SAV1: variants seen among roughly 807,000 people sequenced by gnomAD.
SAV1 encodes salvador family WW domain containing protein 1, also known as protein salvador homolog 1.
SAV1 carries 23 observed loss-of-function variants against 47.3 expected under a neutral mutation model. The ratio of observed to expected loss-of-function variants is 0.49; its 90% confidence interval spans 0.35 to 0.69. The LOEUF (loss-of-function observed/expected upper bound fraction) is 0.69. Among genes scored for constraint, SAV1 ranks in the 30% least tolerant of loss-of-function variants. The probability of loss-of-function intolerance (pLI) is 0.01; values close to 1 mark genes in which losing one functional copy is unlikely to be tolerated. For synonymous variants in SAV1, 155 were observed against 159.2 expected (o/e 0.97, Z 0.20); for missense variants, 448 against 457.4 (o/e 0.98, Z 0.19).
intron 2 of SAV1, among the ~76,000 whole-genome samples, chr14:50,652,246 A>AT (rs34076778): frequency 6.6e-6 from 1 of 152,234 alleles, no homozygotes; most frequent in South Asian, 2.1e-4. Context: ...ACAATTAAAC[A>AT]TTTTTTTAAA....
chr14:50,655,654 G>C (rs1481366595), intron 2 of SAV1, among the ~76,000 whole-genome samples: 2 of 151,878 alleles, frequency 1.3e-5, no homozygotes, highest in African/African-American at 4.8e-5. Context: ...TCCAACTCCT[G>C]ACCTTAGGTG....
intron 2 of SAV1, among the ~76,000 whole-genome samples, chr14:50,645,826 G>A (rs1447877024): frequency 2.0e-5 from 3 of 152,056 alleles, no homozygotes. Context: ...GTAAGCTTAA[G>A]GTAGCAGGGT....
intron 2 of SAV1, among the ~76,000 whole-genome samples, chr14:50,645,673 CAAAAGAAAAGTGGGA>C (rs997277780): frequency 6.9e-6 from 1 of 144,176 alleles, no homozygotes; most frequent in African/African-American, 2.5e-5. Flanking sequence ...TGTATACTGC[CAAAAGAAAAGTGGGA>C]AAAAGAAAAT....
chr14:50,634,056 TGAATCCC>T lies in SAV1; in HGVS notation c.*1120_*1126del. 1.0e-5 allele frequency: 3 copies of T among 287,770 alleles called. No individual in the cohort carries two copies. Among genetic ancestry groups the T allele is most frequent in the Non-Finnish European group, 1.5e-5 (2 of 136,010 alleles). The allele number at this position is 287,770 out of a possible 1,614,324, so 17.8% of individuals were successfully genotyped here. ...CGATTTAATGACCAAAAATTTTTTT[TGAATCCC>T]TGGTTGTCATTTTTGGTAGCTTAAC... On this transcript the variant is annotated 3_prime_UTR_variant, in exon 5 of 5. Coordinates refer to ENST00000324679, the MANE Select transcript of SAV1 (RefSeq NM_021818.4).
At chr14:50,644,524 G>A (rs2039704438) in intron 3 of SAV1, among the ~76,000 whole-genome samples, 1 of 151,648 alleles carries the variant, frequency 6.6e-6, no homozygotes. Flanking sequence ...TAAGAACAAT[G>A]ATCTTGTTTT....
chr14:50,651,251 A>C (rs2039767230), intron 2 of SAV1, among the ~76,000 whole-genome samples: 1 of 151,830 alleles, frequency 6.6e-6, no homozygotes, highest in Non-Finnish European at 1.5e-5. Context: ...ACAGAAACCT[A>C]ACACAATACA....
intron 2 of SAV1, among the ~76,000 whole-genome samples, chr14:50,645,757 A>G (rs2039716555): frequency 6.6e-6 from 1 of 152,174 alleles, no homozygotes; most frequent in Non-Finnish European, 1.5e-5. Flanking sequence ...ATGAACTTGT[A>G]AAACCATTCC....
At chr14:50,667,236 C>A (rs545317621) in intron 1 of SAV1, 1 of 240,538 alleles carries the variant, frequency 4.2e-6, no homozygotes, top group Non-Finnish European at 8.6e-6. Flanking sequence ...GGGGGGGGTT[C>A]TCTAATACGA....
Position 50,634,969 on chromosome 14 carries a change from T to G in SAV1, c.*214A>C. On this transcript the variant is annotated 3_prime_UTR_variant, in exon 5 of 5. Transcript: ENST00000324679. The stretch of plus-strand genomic sequence containing the variant: ...CAAAACAGTTTCCTAATATACAGTA[T>G]TTGAAAGTGTTTGCCATATTGGCTC... 1 of 540,968 alleles carries G rather than the reference T, an allele frequency of 1.8e-6. No individual in the cohort carries two copies. The highest frequency in any genetic ancestry group is 3.3e-6 in the Non-Finnish European group (1 of 305,776). The allele number at this position is 540,968 out of a possible 1,614,324, so 33.5% of individuals were successfully genotyped here. A position where few individuals can be genotyped will look rare whatever the true frequency, so the allele number is the denominator to read the frequency against.
intron 4 of SAV1, among the ~76,000 whole-genome samples, chr14:50,639,943 A>G (rs1294426281): frequency 1.3e-5 from 2 of 152,220 alleles, no homozygotes; most frequent in Non-Finnish European, 2.9e-5. Flanking sequence ...AAAGAGGAAA[A>G]TAGGAAAGAA....
chr14:50,664,968 C>A, intron 2 of SAV1: 2 of 534,590 alleles, frequency 3.7e-6, no homozygotes, highest in Non-Finnish European at 6.0e-6. Flanking sequence ...GTTTACATAA[C>A]ATGAGTTAAT....
rs2039674406 is a variant in SAV1 at position 50,640,742 on chromosome 14, GTACT to G, written c.950+4_950+7del. ...CCTCAAACAAATTTGTGTTGTAAAT[GTACT>G]TACTTCACAGGGGCTCGTGCGTAAA... On this transcript the variant is annotated splice_donor_5th_base_variant and intron_variant, in intron 4 of 4. Transcript: ENST00000324679. 1.2e-6 allele frequency: 2 copies of G among 1,609,918 alleles called. No individual in the cohort carries two copies. Among genetic ancestry groups the G allele is most frequent in the Non-Finnish European group, 1.7e-6 (2 of 1,177,602 alleles).
At chr14:50,643,751 G>GA (rs2039699342) in intron 3 of SAV1, among the ~76,000 whole-genome samples, 1 of 152,000 alleles carries the variant, frequency 6.6e-6, no homozygotes, top group Non-Finnish European at 1.5e-5. Flanking sequence ...GGAATCATGG[G>GA]AAAAAACAGA....
intron 3 of SAV1, among the ~76,000 whole-genome samples, chr14:50,641,867 C>A (rs962475791): frequency 6.6e-6 from 1 of 152,128 alleles, no homozygotes; most frequent in East Asian, 1.9e-4. Context: ...ACTATTTCTA[C>A]AAAGGAATAG....
intron 4 of SAV1, among the ~76,000 whole-genome samples, chr14:50,637,245 A>G (rs1295613025): frequency 6.6e-6 from 1 of 152,208 alleles, no homozygotes; most frequent in African/African-American, 2.4e-5. Flanking sequence ...TGTTCTTTTT[A>G]ATGGGAAACT....
intron 2 of SAV1, among the ~76,000 whole-genome samples, chr14:50,661,988 T>C (rs2039863989): frequency 6.6e-6 from 1 of 152,198 alleles, no homozygotes; most frequent in Non-Finnish European, 1.5e-5. Context: ...AGGATTGTTT[T>C]ATTTCTGTGA....
chr14:50,645,780 C>T (rs890768395), intron 2 of SAV1, among the ~76,000 whole-genome samples: 1 of 152,036 alleles, frequency 6.6e-6, no homozygotes, highest in Non-Finnish European at 1.5e-5. Flanking sequence ...GTTATAAATT[C>T]TTAAAAGTAA....
chr14:50,667,456 G>A (rs2039911930), intron 1 of SAV1: 1 of 456,870 alleles, frequency 2.2e-6, no homozygotes, highest in Non-Finnish European at 4.4e-6. Context: ...GCACAGTCGA[G>A]AGACACCCGC....
rs1170181946 is a variant in SAV1 at position 50,647,479 on chromosome 14, C to A, written c.536-2465G>T. Among the ~76,000 whole-genome samples, 3 of 152,038 alleles carry A rather than the reference C, an allele frequency of 2.0e-5. No homozygotes were observed. The East Asian group carries it at 5.8e-4, about 29-fold the overall frequency. On this transcript the variant is annotated intron_variant, in intron 2 of 4. Coordinates refer to ENST00000324679, the MANE Select transcript of SAV1 (RefSeq NM_021818.4). ...AGCTGAGTAGGAGGGTTACTTGAGC[C>A]CAAGATTTCAGGTCTGTAGCACACT...
Sources: gnomAD v4.1 joint callset for allele counts (sites outside exome capture counted in the v4.1 genomes callset) on GRCh38, gnomAD v4.1.1 for gene constraint, MANE v1.5 for transcripts, NCBI Gene and HGNC (gene_info 2026-07-23, HGNC 2026-07-21) for gene names.